The following ABCC10 variants were observed in gnomAD, a reference collection of about 807,000 sequenced individuals.
ABCC10 encodes ATP-binding cassette sub-family C member 10.
Under a neutral mutation model 143.2 loss-of-function variants are expected in ABCC10, and 110 were observed. That is an observed-to-expected ratio of 0.77 (90% CI 0.66 to 0.90). The LOEUF is 0.90. Ranked by LOEUF, ABCC10 falls within the 40% of genes least tolerant of loss-of-function variation. The probability of loss-of-function intolerance (pLI) is 0.00; values close to 1 mark genes in which losing one functional copy is unlikely to be tolerated. For missense variants in ABCC10, 1,700 were observed against 1,900.5 expected (o/e 0.89, Z 1.96); for synonymous variants, 805 against 846.7 (o/e 0.95, Z 0.85).
chr6:43,429,037 AG>A (rs1780808234), intron 2 of ABCC10, among the ~76,000 whole-genome samples: 2 of 152,226 alleles, frequency 1.3e-5, no homozygotes, highest in South Asian at 4.1e-4. Flanking sequence ...CCCCTGGGAA[AG>A]CAAGAAAGAC....
At position 43,438,026 on chromosome 6, in the gene ABCC10, C is replaced by T. The variant is rs750136334; in HGVS notation, c.1955+13C>T. Reference sequence around the variant, plus strand: ...GAGAGCTCCACAGGTAACCAACCTCCTATGCACCCCTGTCCTTACTTTGTC... The same window carrying T: ...GAGAGCTCCACAGGTAACCAACCTCTTATGCACCCCTGTCCTTACTTTGTC... On this transcript the variant is annotated intron_variant, in intron 7 of 21. Transcript: ENST00000372530. The T allele has an allele frequency of 1.9e-6, 3 of 1,608,686 alleles. No individual in the cohort carries two copies. Among genetic ancestry groups the T allele is most frequent in the Admixed American group, 1.7e-5 (1 of 59,344 alleles).
In ABCC10 at chr6:43,438,674, C is replaced by A; in HGVS notation, c.2006C>A (p.Ala669Asp). The A allele has an allele frequency of 6.2e-7, 1 of 1,614,190 alleles. No homozygotes were observed. The highest frequency in any genetic ancestry group is 8.5e-7 in the Non-Finnish European group (1 of 1,180,040). ...GGGCTGTCCAAGGGCTTTGGCCTGG[C>A]CACCCAGGAACCCTGGATCCAGTTT... is the stretch of plus-strand genomic sequence containing the variant. ...VRGLSKGFGL[A>D]TQEPWIQFAT... Residue 669 changes from alanine (A) to aspartate (D), a missense_variant, in exon 8 of 22, where the codon GCC (alanine) becomes GAC (aspartate). By Grantham distance (126) the Ala-to-Asp change is moderately radical. Coordinates refer to ENST00000372530, the MANE Select transcript of ABCC10 (RefSeq NM_001198934.2).
intron 17 of ABCC10, 71 bp from the exon 18 acceptor site, chr6:43,447,613 C>T (rs1783244926): frequency 1.9e-6 from 3 of 1,592,540 alleles, no homozygotes; most frequent in East Asian, 4.5e-5. Context: ...TTATTCTCCC[C>T]TCCTCACCAT....
chr6:43,451,287 T>G (rs1339905077), downstream of ABCC10: 6 of 1,610,820 alleles, frequency 3.7e-6, no homozygotes, highest in Non-Finnish European at 4.2e-6. The surrounding 1 kb of genome is among the most constrained non-coding windows in gnomAD (Gnocchi z 4.4). Flanking sequence ...GTGGTAGGGG[T>G]GAGAGAGGAC....
Position 43,439,670 on chromosome 6 carries a change from G to A in ABCC10, c.2127+875G>A, listed in dbSNP as rs545875886. On this transcript the variant is annotated intron_variant, in intron 8 of 21. Transcript: ENST00000372530. ...ACAATCTCGGCTCACTGCAACCTCC[G>A]CCTCCTGGATTCAAGCGATTCTCCT... Among the ~76,000 whole-genome samples the A allele has an allele frequency of 3.3e-5, 5 of 152,252 alleles. No individual in the cohort carries two copies. In the East Asian group the frequency reaches 5.8e-4, roughly 18 times the overall value.
intron 3 of ABCC10, among the ~76,000 whole-genome samples, chr6:43,434,067 C>G (rs532725981): frequency 6.6e-6 from 1 of 152,238 alleles, no homozygotes; most frequent in Non-Finnish European, 1.5e-5. Flanking sequence ...GGCATTTTCC[C>G]CTACCTGTGA....
At chr6:43,433,774 G>A (rs1009677796) in intron 3 of ABCC10, among the ~76,000 whole-genome samples, 2 of 152,138 alleles carry the variant, frequency 1.3e-5, no homozygotes, top group African/African-American at 4.8e-5. Context: ...CCTTATCTAG[G>A]GCACAGACCA....
rs1035199849 is a variant in ABCC10 at position 43,443,830 on chromosome 6, G to A, written c.2417-103G>A. The A allele has an allele frequency of 1.6e-5, 20 of 1,221,094 alleles. No homozygotes were observed. The highest frequency in any genetic ancestry group is 2.1e-4 in the Middle Eastern group (1 of 4,656). The allele number at this position is 1,221,094 out of a possible 1,614,324, so 75.6% of individuals were successfully genotyped here. A position where few individuals can be genotyped will look rare whatever the true frequency, so the allele number is the denominator to read the frequency against. On this transcript the variant is annotated intron_variant, in intron 10 of 21. Coordinates refer to ENST00000372530, the MANE Select transcript of ABCC10 (RefSeq NM_001198934.2). This position sits in a 1 kb window ranked among gnomAD's most constrained non-coding sequence, Gnocchi z 4.2. ...GGTATCCTGCTAGGGTGGGTTAGAC[G>A]GGGAGGCCTGAGAGGATGAGAGGTG...
In ABCC10 at chr6:43,444,230, C is replaced by T. The variant is rs781586042; in HGVS notation, c.2566C>T (p.Arg856Cys). 6.8e-6 allele frequency: 11 copies of T among 1,613,966 alleles called. No individual in the cohort carries two copies. The highest frequency in any genetic ancestry group is 2.2e-5 in the East Asian group (1 of 44,894). Residue 856 changes from arginine (R) to cysteine (C), a missense_variant, in exon 12 of 22, where the codon CGC becomes TGC. Coordinates refer to ENST00000372530, the MANE Select transcript of ABCC10 (RefSeq NM_001198934.2). The part of the protein sequence containing the change: ...GLEEEQSTSG[R>C]LLQEESKKEG... Reference sequence around the variant, plus strand: ...GGAGGAGGAGCAGAGCACATCTGGTCGCCTGCTGCAGGAAGAAAGCAAGAA... The same window carrying T: ...GGAGGAGGAGCAGAGCACATCTGGTTGCCTGCTGCAGGAAGAAAGCAAGAA...
In ABCC10 at chr6:43,433,313, A is replaced by G; in HGVS notation, c.1333A>G (p.Met445Val). The G allele has an allele frequency of 1.2e-6, 2 of 1,613,974 alleles. No individual in the cohort carries two copies. The highest frequency in any genetic ancestry group is 1.3e-5 in the African/African-American group (1 of 75,044). ...CAACAAAGTGATTGCCACCCGCATC[A>G]TGGCCAGCAACCAGGAAATGCTACA... ...PVNKVIATRI[M>V]ASNQEMLQHK... is the part of the protein sequence containing the mutation. The change falls in exon 3 of 22, where the codon ATG becomes GTG. Residue 445 changes from methionine to valine, a missense_variant. Coordinates refer to ENST00000372530, the MANE Select transcript of ABCC10 (RefSeq NM_001198934.2).
chr6:43,435,024 C>T (rs991944233), intron 4 of ABCC10, 176 bp downstream of exon 4: 20 of 633,578 alleles, frequency 3.2e-5, no homozygotes, highest in African/African-American at 2.4e-4. Flanking sequence ...ATAACCCTCC[C>T]CTCTGTGAAG....
At chr6:43,438,338 T>TC in intron 7 of ABCC10, 1 of 1,413,162 alleles carries the variant, frequency 7.1e-7, no homozygotes, top group Non-Finnish European at 9.2e-7. Flanking sequence ...TGTTTTCAGA[T>TC]GGGAACAAGT....
chr6:43,438,600 T>A, intron 7 of ABCC10, 24 bp from the exon 8 acceptor site: 1 of 1,611,470 alleles, frequency 6.2e-7, no homozygotes. Context: ...CTGGTCCTCA[T>A]ATTGCTCGCC....
chr6:43,451,362 T>C, downstream of ABCC10: 1 of 1,495,054 alleles, frequency 6.7e-7, no homozygotes, highest in Non-Finnish European at 9.0e-7. This position sits in a 1 kb window ranked among gnomAD's most constrained non-coding sequence, Gnocchi z 4.4. Context: ...CTGCCCGCCA[T>C]GTCATCTTGG....
At chr6:43,435,681 C>T in intron 4 of ABCC10, 70 bp from the exon 5 acceptor site, 2 of 1,557,114 alleles carry the variant, frequency 1.3e-6, no homozygotes, top group Non-Finnish European at 1.7e-6. Context: ...TAGACCTGTC[C>T]ACAGGGCTTC....
chr6:43,447,908 C>T lies in ABCC10; in HGVS notation c.3930C>T (p.Asp1310=), dbSNP rs1783292140. The stretch of plus-strand genomic sequence containing the variant: ...GGCGAGTGCTGCTGGACGGCGTGGA[C>T]ACCAGCCAGCTGGAGCTGGCCCAGC... ...SSGRVLLDGV[D]TSQLELAQLR... is the part of the protein sequence containing the mutation. Residue 1310 remains aspartate, a synonymous_variant, in exon 18 of 22, where the codon GAC becomes GAT. Transcript: ENST00000372530. 3 of 1,613,624 alleles carry T rather than the reference C, an allele frequency of 1.9e-6. No individual in the cohort carries two copies. The highest frequency in any genetic ancestry group is 2.2e-5 in the South Asian group (2 of 91,084).
In ABCC10 at chr6:43,434,663, T is replaced by C; in HGVS notation, c.1423T>C (p.Cys475Arg). Reference sequence around the variant, plus strand: ...GAGTGGCATTCGGGTCATCAAGTTCTGCGGGTGGGAGCAGGCACTGGGAGC... The same window carrying C: ...GAGTGGCATTCGGGTCATCAAGTTCCGCGGGTGGGAGCAGGCACTGGGAGC... ...LLSGIRVIKF[C>R]GWEQALGARV... is the part of the protein sequence containing the mutation. The change falls in exon 4 of 22, where the codon TGC (cysteine) becomes CGC (arginine). Residue 475 changes from cysteine (C) to arginine (R), a missense_variant. Coordinates refer to ENST00000372530, the MANE Select transcript of ABCC10 (RefSeq NM_001198934.2). 1 of 1,614,110 alleles carries C rather than the reference T, an allele frequency of 6.2e-7. No individual in the cohort carries two copies. The highest frequency in any genetic ancestry group is 2.2e-5 in the East Asian group (1 of 44,878).
intron 2 of ABCC10, chr6:43,431,941 G>T (rs893588506): frequency 1.4e-6 from 2 of 1,407,442 alleles, no homozygotes; most frequent in Non-Finnish European, 1.8e-6. Flanking sequence ...AGCTCAGTTG[G>T]TCAGAAAATG....
At position 43,445,011 on chromosome 6, in the gene ABCC10, C is replaced by T. The variant is rs947409522; in HGVS notation, c.2840+73C>T. Reference sequence around the variant, plus strand: ...CCAGGCAGGGAGTGAGGGTTGTGGCCGGTATTCCAGATGCTGTGACTTCTG... The same window carrying T: ...CCAGGCAGGGAGTGAGGGTTGTGGCTGGTATTCCAGATGCTGTGACTTCTG... On this transcript the variant is annotated intron_variant, in intron 13 of 21. Coordinates refer to ENST00000372530, the MANE Select transcript of ABCC10 (RefSeq NM_001198934.2). 43 of 1,579,540 alleles carry T rather than the reference C, an allele frequency of 2.7e-5. 1 individual carries two copies. Among genetic ancestry groups the T allele is most frequent in the Middle Eastern group, 1.7e-4 (1 of 5,744 alleles).
Sources: gnomAD v4.1 joint callset for allele counts (sites outside exome capture counted in the v4.1 genomes callset) on GRCh38, gnomAD v4.1.1 for gene constraint, Gnocchi (gnomAD v3.1) non-coding constraint, MANE v1.5 for transcripts, NCBI Gene and HGNC (gene_info 2026-07-23, HGNC 2026-07-21) for gene names.